CADPS2: variants seen among roughly 807,000 people sequenced by gnomAD.
The protein encoded by CADPS2 is calcium dependent secretion activator 2.
In CADPS2, 93 loss-of-function variants were observed where a neutral mutation model predicts 172.5. The observed-to-expected ratio is 0.54, with a 90% confidence interval of 0.46 to 0.64. The LOEUF (loss-of-function observed/expected upper bound fraction) is 0.64. Among genes scored for constraint, CADPS2 ranks in the 30% least tolerant of loss-of-function variants. CADPS2 has a pLI of 0.00. For synonymous variants in CADPS2, 546 were observed against 555.2 expected (o/e 0.98, Z 0.23); for missense variants, 1,420 against 1,565.9 (o/e 0.91, Z 1.57).
intron 8 of CADPS2, among the ~76,000 whole-genome samples, chr7:122,527,839 G>GT (rs2061399414): frequency 6.6e-6 from 1 of 152,054 alleles, no homozygotes; most frequent in African/African-American, 2.4e-5. Context: ...ATGGAAGCAA[G>GT]TATTGGGAAT....
intron 1 of CADPS2, among the ~76,000 whole-genome samples, chr7:122,846,728 A>G (rs1339267728): frequency 6.6e-6 from 1 of 152,196 alleles, no homozygotes; most frequent in Non-Finnish European, 1.5e-5. Flanking sequence ...CCAGGAAACA[A>G]AACACAAAAG....
rs145425542 is a variant in CADPS2, at chr7:122,760,057, T to C, written c.340-22989A>G. Among the ~76,000 whole-genome samples the C allele has an allele frequency of 4.4e-3, 667 of 151,910 alleles. 8 individuals carry two copies. The highest frequency in any genetic ancestry group is 0.015 in the African/African-American group (636 of 41,456). On this transcript the variant is annotated intron_variant, in intron 1 of 29. Transcript: ENST00000449022. ...TTACCTATGCTTATAGTACAATGAA[T>C]AATTTTACACACAGTCTATACTAGA...
rs2043774314 is a variant in CADPS2 at position 122,387,017 on chromosome 7, T to C, written c.3312+9A>G. 4 of 1,553,212 alleles carry C rather than the reference T, an allele frequency of 2.6e-6. No homozygotes were observed. The highest frequency in any genetic ancestry group is 2.0e-5 in the Admixed American group (1 of 51,230). On this transcript the variant is annotated intron_variant, in intron 24 of 29. Transcript: ENST00000449022. ...TGCTGCCTTTCCCCATGTGGCACAT[T>C]CTACATACCTCTTGTCCTCCATCCA...
intron 8 of CADPS2, among the ~76,000 whole-genome samples, chr7:122,514,700 C>G (rs2060229242): frequency 6.6e-6 from 1 of 152,036 alleles, no homozygotes; most frequent in African/African-American, 2.4e-5. Flanking sequence ...ATACATAGAA[C>G]AGTGTTGTTT....
At chr7:122,840,285 G>T (rs977234004) in intron 1 of CADPS2, among the ~76,000 whole-genome samples, 6 of 152,050 alleles carry the variant, frequency 3.9e-5, no homozygotes, top group East Asian at 3.9e-4. Context: ...GTTGTGGGGT[G>T]GGGGGAGGAG....
chr7:122,846,807 G>A (rs1812111101), intron 1 of CADPS2, among the ~76,000 whole-genome samples: 2 of 152,162 alleles, frequency 1.3e-5, no homozygotes, highest in Non-Finnish European at 2.9e-5. Context: ...TCTTCAAGCT[G>A]GCACCACTCC....
chr7:122,488,844 G>A lies in CADPS2; in HGVS notation c.1852+1237C>T, dbSNP rs2058059775. On this transcript the variant is annotated intron_variant, in intron 11 of 29. Coordinates refer to ENST00000449022, the MANE Select transcript of CADPS2 (RefSeq NM_017954.11). ...ATTAAAATTTAAGATATGTTCAATT[G>A]TAGAAAAATAAAGTTACACTTCTGT... Among the ~76,000 whole-genome samples the A allele has an allele frequency of 5.3e-5, 8 of 152,144 alleles. No homozygotes were observed. In the South Asian group the frequency reaches 1.7e-3, roughly 31 times the overall value.
At chr7:122,370,959 C>T (rs1030862537) in intron 25 of CADPS2, among the ~76,000 whole-genome samples, 1 of 152,058 alleles carries the variant, frequency 6.6e-6, no homozygotes, top group African/African-American at 2.4e-5. Flanking sequence ...TTAATTCCTG[C>T]AAGATATTAT....
At chr7:122,777,165 A>C (rs1186531198) in intron 1 of CADPS2, among the ~76,000 whole-genome samples, 2 of 152,278 alleles carry the variant, frequency 1.3e-5, no homozygotes, top group African/African-American at 4.8e-5. Context: ...AATAATAATA[A>C]TTAAGTAAAA....
intron 6 of CADPS2, among the ~76,000 whole-genome samples, chr7:122,590,620 A>T (rs929543904): frequency 1.3e-5 from 2 of 151,912 alleles, no homozygotes; most frequent in African/African-American, 4.8e-5. Flanking sequence ...GAAAAGAATA[A>T]AAGATCAGAG....
At chr7:122,621,264 ATTATT>A (rs545436625) in intron 5 of CADPS2, among the ~76,000 whole-genome samples, 7 of 152,176 alleles carry the variant, frequency 4.6e-5, no homozygotes, top group Non-Finnish European at 1.0e-4. Flanking sequence ...TAAAACTTCT[ATTATT>A]TTATTTAATC....
intron 1 of CADPS2, among the ~76,000 whole-genome samples, chr7:122,755,882 T>G (rs1363707701): frequency 2.0e-5 from 3 of 152,258 alleles, no homozygotes; most frequent in African/African-American, 7.2e-5. Context: ...CAAAGAATCT[T>G]TGCGATGTAG....
chr7:122,549,440 T>C (rs1475220993), intron 8 of CADPS2, among the ~76,000 whole-genome samples: 2 of 152,026 alleles, frequency 1.3e-5, no homozygotes, highest in Non-Finnish European at 2.9e-5. Flanking sequence ...GACATTCGTG[T>C]GATTGTATAA....
intron 25 of CADPS2, among the ~76,000 whole-genome samples, chr7:122,367,752 A>G (rs937093565): frequency 3.5e-5 from 5 of 141,974 alleles, no homozygotes; most frequent in African/African-American, 1.1e-4. Context: ...TAAAACAATA[A>G]AAGTTTATTA....
At chr7:122,360,640 T>C in intron 27 of CADPS2, 148 bp downstream of exon 27, 1 of 674,870 alleles carries the variant, frequency 1.5e-6, no homozygotes, top group South Asian at 2.0e-5. Context: ...CTATGTCTTG[T>C]TATGAAGGTT....
rs1427705520 is a variant in CADPS2 at position 122,645,421 on chromosome 7, A to ATG, written c.787-16095_787-16094dup. On this transcript the variant is annotated intron_variant, in intron 3 of 29. Transcript: ENST00000449022. The stretch of plus-strand genomic sequence containing the variant: ...TATATGTACATATACACACATGTAT[A>ATG]TGTGTGTATATATGTATATATACAC... Among the ~76,000 whole-genome samples, 72 of 103,620 alleles carry ATG rather than the reference A, an allele frequency of 6.9e-4. 3 individuals carry two copies. Among genetic ancestry groups the ATG allele is most frequent in the African/African-American group, 1.8e-3 (56 of 31,962 alleles). 68.0% of individuals were successfully genotyped at this position (103,620 alleles called of 152,430 possible).
chr7:122,866,421 C>G (rs1245993489), intron 1 of CADPS2, among the ~76,000 whole-genome samples: 1 of 151,988 alleles, frequency 6.6e-6, no homozygotes, highest in Admixed American at 6.6e-5. Flanking sequence ...CTCTGGTGGC[C>G]GGGTGCAGTG....
At chr7:122,801,772 T>G (rs1198925660) in intron 1 of CADPS2, among the ~76,000 whole-genome samples, 3 of 118,216 alleles carry the variant, frequency 2.5e-5, no homozygotes, top group African/African-American at 4.9e-5. Flanking sequence ...TTTTTAATTT[T>G]TATTTATTTT....
chr7:122,695,447 GTGC>G lies in CADPS2; in HGVS notation c.454-31881_454-31879del, dbSNP rs1331630879. ...TATAATGAATAAATTTGATATAGTA[GTGC>G]TATTTCCAAGTTCTATTTAGTAAAC... On this transcript the variant is annotated intron_variant, in intron 2 of 29. Coordinates refer to ENST00000449022, the MANE Select transcript of CADPS2 (RefSeq NM_017954.11). 8.5e-5 allele frequency among the ~76,000 whole-genome samples: 13 copies of G among 152,312 alleles called. No homozygotes were observed. The East Asian group carries it at 1.7e-3, about 20-fold the overall frequency.
Sources: gnomAD v4.1 joint callset for allele counts (sites outside exome capture counted in the v4.1 genomes callset) on GRCh38, gnomAD v4.1.1 for gene constraint, MANE v1.5 for transcripts, NCBI Gene and HGNC (gene_info 2026-07-23, HGNC 2026-07-21) for gene names.